The following E2F7 variants were observed in gnomAD, a reference collection of about 807,000 sequenced individuals.
The protein encoded by E2F7 is transcription factor E2F7.
Under a neutral mutation model 81.1 loss-of-function variants are expected in E2F7, and 35 were observed. The observed-to-expected ratio is 0.43, with a 90% confidence interval of 0.33 to 0.57. The LOEUF (loss-of-function observed/expected upper bound fraction) is 0.57, where lower values mean the gene tolerates loss of function less well. Among genes scored for constraint, E2F7 ranks in the 20% least tolerant of loss-of-function variants. E2F7 has a pLI of 0.04. For synonymous variants in E2F7, 416 were observed against 416.2 expected (o/e 1.00, Z 0.01); for missense variants, 961 against 1,093.7 (o/e 0.88, Z 1.71).
chr12:77,061,098 G>A (rs1040762824), intron 2 of E2F7, among the ~76,000 whole-genome samples: 12 of 151,918 alleles, frequency 7.9e-5, no homozygotes, highest in Non-Finnish European at 1.2e-4. Flanking sequence ...AAACCAAACC[G>A]CAAGAGTGCA....
At position 77,044,804 on chromosome 12, in the gene E2F7, G is replaced by A. The variant is rs748267684; in HGVS notation, c.830-9C>T. ...TCTACTGTTTGCAGATGCTACACAA[G>A]GAATGAAACAAAAGCATCAAAGTAT... On this transcript the variant is annotated splice_polypyrimidine_tract_variant and intron_variant, in intron 5 of 12. Transcript: ENST00000322886. The A allele has an allele frequency of 1.9e-6, 3 of 1,611,150 alleles. No individual in the cohort carries two copies. The highest frequency in any genetic ancestry group is 2.5e-6 in the Non-Finnish European group (3 of 1,179,080).
rs563751897 is a variant in E2F7 at position 77,035,613 on chromosome 12, C to T, written c.1124-1571G>A. Among the ~76,000 whole-genome samples, 25 of 152,310 alleles carry T rather than the reference C, an allele frequency of 1.6e-4. 1 individual carries two copies. In the South Asian group the frequency reaches 3.1e-3, roughly 19 times the overall value. ...TCACTGTTTCCATGTAACTTCACCA[C>T]ATCCCAGAGCAAAGCTCAAGAACAT... is the stretch of plus-strand genomic sequence containing the variant. On this transcript the variant is annotated intron_variant, in intron 7 of 12. Transcript: ENST00000322886.
rs1378685516 is a variant in E2F7, at chr12:77,023,235, A to C, written c.*780T>G. The stretch of plus-strand genomic sequence containing the variant: ...AACAAACAGTAATATCTCACTGTTC[A>C]CACAGTTATTTGAGAAGCAGCAGTT... On this transcript the variant is annotated 3_prime_UTR_variant, in exon 13 of 13. Coordinates refer to ENST00000322886, the MANE Select transcript of E2F7 (RefSeq NM_203394.3). 5 of 152,658 alleles carry C rather than the reference A, an allele frequency of 3.3e-5. No homozygotes were observed. Among genetic ancestry groups the C allele is most frequent in the African/African-American group, 9.6e-5 (4 of 41,462 alleles). 9.5% of individuals were successfully genotyped at this position (152,658 alleles called of 1,614,324 possible). A position where few individuals can be genotyped will look rare whatever the true frequency, so the allele number is the denominator to read the frequency against.
intron 4 of E2F7, among the ~76,000 whole-genome samples, chr12:77,049,843 T>C (rs1019372507): frequency 3.3e-5 from 5 of 152,232 alleles, no homozygotes; most frequent in Admixed American, 3.3e-4. Context: ...TTTGTGTGTA[T>C]GTAAAACCTT....
intron 7 of E2F7, 110 bp downstream of exon 7, chr12:77,042,955 T>C (rs1199118707): frequency 2.6e-5 from 40 of 1,527,372 alleles, no homozygotes; most frequent in Non-Finnish European, 3.2e-5. Flanking sequence ...GTCTATTTTG[T>C]ATGTGACATG....
chr12:77,032,118 G>A (rs746133669), intron 9 of E2F7, among the ~76,000 whole-genome samples: 1 of 152,126 alleles, frequency 6.6e-6, no homozygotes. Context: ...AGACCAGAAC[G>A]ACTACAAATG....
chr12:77,028,411 C>G (rs887292994), intron 10 of E2F7, among the ~76,000 whole-genome samples: 2 of 151,746 alleles, frequency 1.3e-5, no homozygotes, highest in African/African-American at 4.8e-5. Flanking sequence ...AAGCTGGTCT[C>G]GAACTCCTGA....
Position 77,044,711 on chromosome 12 carries a change from A to G in E2F7, c.914T>C (p.Ile305Thr), listed in dbSNP as rs1360108209. The G allele has an allele frequency of 6.2e-7, 1 of 1,614,094 alleles. No homozygotes were observed. Among genetic ancestry groups the G allele is most frequent in the Admixed American group, 1.7e-5 (1 of 60,002 alleles). The change falls in exon 6 of 13, where the codon ATT becomes ACT. Residue 305 changes from isoleucine (I) to threonine (T), a missense_variant. By Grantham distance (89) the Ile-to-Thr change is moderately conservative. Around this residue, in one of 3 missense-constraint regions of E2F7, gnomAD observed 301 missense variants for 405.0 expected, o/e 0.74. Coordinates refer to ENST00000322886, the MANE Select transcript of E2F7 (RefSeq NM_203394.3). ...TTTGGCAGCCACATCCAGAGTGACA[A>G]TCTTGGTTTTGGAGACGAGGAACAG... ...VMLFLVSKTKIVTLDVAAKIL... is the reference protein window; with the variant it reads ...VMLFLVSKTKTVTLDVAAKIL...
intron 7 of E2F7, 49 bp downstream of exon 7, chr12:77,043,016 C>T (rs1428008566): frequency 6.2e-7 from 1 of 1,612,904 alleles, no homozygotes; most frequent in East Asian, 2.2e-5. Flanking sequence ...GGAAAAGGAA[C>T]TGAGAATTCT....
At chr12:77,034,356 T>G (rs931455862) in intron 7 of E2F7, among the ~76,000 whole-genome samples, 1 of 152,234 alleles carries the variant, frequency 6.6e-6, no homozygotes, top group African/African-American at 2.4e-5. Context: ...ACATTTTAGA[T>G]GCTCTATTTG....
rs1387614302 is a variant in E2F7, at chr12:77,033,066, T to C, written c.1366A>G (p.Ile456Val). 2 of 1,613,428 alleles carry C rather than the reference T, an allele frequency of 1.2e-6. No individual in the cohort carries two copies. The highest frequency in any genetic ancestry group is 1.3e-5 in the African/African-American group (1 of 74,914). ...GSLAAVYRQK[I>V]EDNSQGKAFA... Reference sequence around the variant, plus strand: ...ACTACTTACTGTGAATTGTCTTCTATTTTCTGTCTATAGACAGCTGCCAGG... The same window carrying C: ...ACTACTTACTGTGAATTGTCTTCTACTTTCTGTCTATAGACAGCTGCCAGG... Residue 456 changes from isoleucine (I) to valine (V), a missense_variant, in exon 9 of 13, where the codon ATA becomes GTA. Ile to Val is a conservative substitution (Grantham distance 29, BLOSUM62 3). Coordinates refer to ENST00000322886, the MANE Select transcript of E2F7 (RefSeq NM_203394.3).
At chr12:77,030,782 G>A (rs1332293939) in intron 9 of E2F7, among the ~76,000 whole-genome samples, 1 of 152,178 alleles carries the variant, frequency 6.6e-6, no homozygotes, top group Middle Eastern at 3.2e-3. Context: ...CCTGCCTCGG[G>A]TGAGCCAGCT....
At chr12:77,062,167 T>C (rs969702296) in intron 2 of E2F7, among the ~76,000 whole-genome samples, 1 of 152,214 alleles carries the variant, frequency 6.6e-6, no homozygotes, top group African/African-American at 2.4e-5. Context: ...TATGTGCCTA[T>C]GGGTGCTTTA....
intron 2 of E2F7, among the ~76,000 whole-genome samples, chr12:77,062,509 C>T (rs1955086665): frequency 6.6e-6 from 1 of 152,154 alleles, no homozygotes; most frequent in Non-Finnish European, 1.5e-5. Flanking sequence ...CATCTCTTGC[C>T]TTCTATTTGA....
At position 77,056,000 on chromosome 12, in the gene E2F7, C is replaced by T; in HGVS notation, c.224G>A (p.Arg75Lys). 2 of 1,614,170 alleles carry T rather than the reference C, an allele frequency of 1.2e-6. No homozygotes were observed. Among genetic ancestry groups the T allele is most frequent in the Non-Finnish European group, 1.7e-6 (2 of 1,180,028 alleles). The stretch of plus-strand genomic sequence containing the variant: ...GGGTGTCCATGGTTCCGCTTGCTGT[C>T]TGTCAACAAACTTAACTGGAGTAAT... ...NPITPVKFVD[R>K]QQAEPWTPTA... The change falls in exon 3 of 13, where the codon AGA becomes AAA. Residue 75 changes from arginine (R) to lysine (K), a missense_variant. Around this residue, in one of 3 missense-constraint regions of E2F7, gnomAD observed 301 missense variants for 405.0 expected, o/e 0.74. Coordinates refer to ENST00000322886, the MANE Select transcript of E2F7 (RefSeq NM_203394.3).
chr12:77,022,716 G>A lies in E2F7; in HGVS notation c.*1299C>T, dbSNP rs766742868. Reference sequence around the variant, plus strand: ...AACCATTTACTCTGAAGAGACAAGAGAGAGGTAAATATCAGCAAGTCTAGG... The same window carrying A: ...AACCATTTACTCTGAAGAGACAAGAAAGAGGTAAATATCAGCAAGTCTAGG... On this transcript the variant is annotated 3_prime_UTR_variant, in exon 13 of 13. Coordinates refer to ENST00000322886, the MANE Select transcript of E2F7 (RefSeq NM_203394.3). The A allele has an allele frequency of 2.0e-5, 3 of 152,404 alleles. No individual in the cohort carries two copies. The highest frequency in any genetic ancestry group is 2.1e-4 in the South Asian group (1 of 4,834). The allele number at this position is 152,404 out of a possible 1,614,324, so 9.4% of individuals were successfully genotyped here.
intron 7 of E2F7, among the ~76,000 whole-genome samples, chr12:77,034,628 C>T (rs1008402805): frequency 2.0e-5 from 3 of 152,198 alleles, no homozygotes; most frequent in East Asian, 1.9e-4. Flanking sequence ...AGGTTAGGCC[C>T]TGGAGACACA....
At chr12:77,054,337 AC>A (rs1031520093) in intron 3 of E2F7, among the ~76,000 whole-genome samples, 3 of 152,058 alleles carry the variant, frequency 2.0e-5, no homozygotes, top group Non-Finnish European at 2.9e-5. Context: ...ATACACACAC[AC>A]AAAAAAATCA....
At chr12:77,027,771 C>T in intron 11 of E2F7, 112 bp downstream of exon 11, 1 of 1,425,792 alleles carries the variant, frequency 7.0e-7, no homozygotes, top group Non-Finnish European at 9.5e-7. Flanking sequence ...AGTAAAATGA[C>T]TCAGGCACAT....
Sources: allele counts gnomAD v4.1 joint callset (sites outside exome capture counted in the v4.1 genomes callset), GRCh38; gene constraint gnomAD v4.1.1; regional missense constraint gnomAD v4.1.1; transcripts MANE v1.5; gene names NCBI Gene and HGNC (gene_info 2026-07-23, HGNC 2026-07-21).